Variants in ATIC observed in about 807,000 individuals in gnomAD.
The protein encoded by ATIC is bifunctional purine biosynthesis protein ATIC.
A neutral mutation model predicts 72.5 loss-of-function variants in ATIC; 64 were observed. The ratio of observed to expected loss-of-function variants is 0.88; its 90% CI spans 0.72 to 1.09. The LOEUF is 1.09. ATIC is among the 50% of genes least tolerant of loss of function. ATIC has a pLI of 0.00. For missense variants in ATIC, 787 were observed against 732.4 expected, an observed-to-expected ratio of 1.07 and a Z score of -0.86; for synonymous variants, 281 against 267.1, an observed-to-expected ratio of 1.05 and a Z score of -0.51.
chr2:215,321,936 T>TA (rs1456589774), intron 4 of ATIC, among the ~76,000 whole-genome samples: 1 of 152,128 alleles, frequency 6.6e-6, no homozygotes, highest in Non-Finnish European at 1.5e-5. Context: ...GACGGAGTCT[T>TA]ACTCTCGCCC....
At chr2:215,342,402 T>C (rs2053028779) in intron 12 of ATIC, among the ~76,000 whole-genome samples, 1 of 152,204 alleles carries the variant, frequency 6.6e-6, no homozygotes. Flanking sequence ...TATACAGTTG[T>C]AAGAGTTCCC....
In ATIC at chr2:215,325,973, TTTG is replaced by T. The variant is rs771423107; in HGVS notation, c.380-11_380-9del. The stretch of plus-strand genomic sequence containing the variant: ...GGGACATACAAAAATCAATAAGTCT[TTTG>T]TTCTTCAAAGGTGGAGTAACCTTAC... On this transcript the variant is annotated splice_polypyrimidine_tract_variant and intron_variant, in intron 5 of 15. Transcript: ENST00000236959. 1 of 1,613,892 alleles carries T rather than the reference TTTG, an allele frequency of 6.2e-7. No homozygotes were observed. The highest frequency in any genetic ancestry group is 1.1e-5 in the South Asian group (1 of 91,070).
At chr2:215,361,576 G>A in the ATIC span, 38 of 1,610,588 alleles carry the variant, frequency 2.4e-5, no homozygotes, top group South Asian at 4.2e-4. Context: ...AATCTTCTCT[G>A]TCAGCCTGTA....
At chr2:215,334,041 C>A (rs78454701) in intron 9 of ATIC, among the ~76,000 whole-genome samples, 74 of 132,004 alleles carry the variant, frequency 5.6e-4, no homozygotes, top group East Asian at 6.4e-4. Flanking sequence ...TACTCCGTCT[C>A]AAAAAAAAAA....
At chr2:215,367,957 A>G in the ATIC span, 17 of 1,614,032 alleles carry the variant, frequency 1.1e-5, no homozygotes, top group Non-Finnish European at 1.4e-5. Flanking sequence ...ACTCATCTCC[A>G]ACGGCATAAT....
intron 12 of ATIC, among the ~76,000 whole-genome samples, chr2:215,342,180 T>C (rs963800858): frequency 6.6e-6 from 1 of 152,188 alleles, no homozygotes; most frequent in Non-Finnish European, 1.5e-5. Flanking sequence ...ACCAAGATTA[T>C]CTTTGAAGGT....
Position 215,326,013 on chromosome 2 carries a change from GC to G in ATIC, c.408del (p.Asn138ThrfsTer5), listed in dbSNP as rs1415903910. The G allele has an allele frequency of 6.2e-7, 1 of 1,614,158 alleles. No individual in the cohort carries two copies. The highest frequency in any genetic ancestry group is 8.5e-7 in the Non-Finnish European group (1 of 1,180,018). On this transcript the variant is annotated frameshift_variant, in exon 6 of 16. Transcript: ENST00000236959. LOFTEE classifies it high-confidence loss of function. ...IGGVTLLRAA[A>X]KNHARVTVVC... ...TGGAGTAACCTTACTGAGAGCTGCAGCCAAAAACCACGCTCGAGTGACAGTG... is the reference window on the plus strand; with the variant it reads ...TGGAGTAACCTTACTGAGAGCTGCAGCAAAAACCACGCTCGAGTGACAGTG...
the ATIC span, chr2:215,361,276 A>T: frequency 2.5e-6 from 1 of 394,214 alleles, no homozygotes; most frequent in Non-Finnish European, 4.7e-6. Flanking sequence ...ATTGATCCCA[A>T]ACCAAATCTT....
rs549649169 is a variant in ATIC at position 215,326,891 on chromosome 2, G to A, written c.601G>A (p.Val201Ile). ...DYFRKQYSKG[V>I]SQMPLRYGMN... is the part of the protein sequence containing the mutation. ...TTTCAGGAAACAGTACAGCAAAGGC[G>A]TATCTCAGATGCCCTTGAGATATGG... The change falls in exon 7 of 16, where the codon GTA (valine) becomes ATA (isoleucine). Residue 201 changes from valine to isoleucine, a missense_variant. Val to Ile is a conservative substitution (Grantham distance 29). Coordinates refer to ENST00000236959, the MANE Select transcript of ATIC (RefSeq NM_004044.7). 23 of 1,613,972 alleles carry A rather than the reference G, an allele frequency of 1.4e-5. No individual in the cohort carries two copies. Among genetic ancestry groups the A allele is most frequent in the South Asian group, 7.7e-5 (7 of 91,078 alleles).
In ATIC at chr2:215,319,551, AT is replaced by A. The variant is rs1004221612; in HGVS notation, c.224-104del. Reference sequence around the variant, plus strand: ...GAGTGAGACCATCTCAAAAAAATAAATTTTTTTTTTAATCAATGGGATTTAA... The same window carrying A: ...GAGTGAGACCATCTCAAAAAAATAAATTTTTTTTTAATCAATGGGATTTAA... On this transcript the variant is annotated intron_variant, in intron 3 of 15. Transcript: ENST00000236959. 1,197 of 793,476 alleles carry A rather than the reference AT, an allele frequency of 1.5e-3. 1 individual carries two copies. Among genetic ancestry groups the A allele is most frequent in the Middle Eastern group, 2.2e-3 (6 of 2,784 alleles). The allele number at this position is 793,476 out of a possible 1,614,324, so 49.2% of individuals were successfully genotyped here.
At chr2:215,351,684 A>G (rs1421814299), downstream of ATIC, among the ~76,000 whole-genome samples, 1 of 152,256 alleles carries the variant, frequency 6.6e-6, no homozygotes, top group East Asian at 1.9e-4. Flanking sequence ...TGCAACTCCC[A>G]TGCAGAAGAA....
At chr2:215,342,765 C>T (rs926491305) in intron 12 of ATIC, among the ~76,000 whole-genome samples, 13 of 152,262 alleles carry the variant, frequency 8.5e-5, no homozygotes, top group East Asian at 3.9e-4. Flanking sequence ...CTGCAATCTC[C>T]GCCTCCCGGG....
chr2:215,336,986 TGTG>T (rs930364366), intron 11 of ATIC, among the ~76,000 whole-genome samples: 2 of 152,180 alleles, frequency 1.3e-5, no homozygotes, highest in Middle Eastern at 3.2e-3. Context: ...TAACATTGTG[TGTG>T]GTATGAGCAT....
intron 10 of ATIC, among the ~76,000 whole-genome samples, chr2:215,335,710 C>G (rs1226551171): frequency 2.6e-5 from 4 of 152,224 alleles, no homozygotes; most frequent in African/African-American, 9.6e-5. Context: ...AGAGTCAGGA[C>G]TAGAATGTGC....
At chr2:215,354,570 C>T (rs1471137058), downstream of ATIC, among the ~76,000 whole-genome samples, 4 of 151,976 alleles carry the variant, frequency 2.6e-5, no homozygotes, top group Middle Eastern at 6.8e-3. Flanking sequence ...TTTCTTTATT[C>T]GTCCCTCCAG....
Position 215,319,667 on chromosome 2 carries a change from A to G in ATIC, c.226A>G (p.Ile76Val), listed in dbSNP as rs1354177505. 4 of 1,608,630 alleles carry G rather than the reference A, an allele frequency of 2.5e-6. No individual in the cohort carries two copies. Among genetic ancestry groups the G allele is most frequent in the Non-Finnish European group, 3.4e-6 (4 of 1,175,026 alleles). ...TTTGTTTAACTTTTTTAAATTAGGAATCCTAGCTCGTAATATTCCAGAAGA... is the reference window on the plus strand; with the variant it reads ...TTTGTTTAACTTTTTTAAATTAGGAGTCCTAGCTCGTAATATTCCAGAAGA... ...KTLHPAVHAG[I>V]LARNIPEDNA... is the part of the protein sequence containing the mutation. The change falls in exon 4 of 16, where the codon ATC (isoleucine) becomes GTC (valine). Residue 76 changes from isoleucine to valine, a missense_variant and splice_region_variant. Physicochemically the swap from Ile to Val is conservative, Grantham distance 29. Transcript: ENST00000236959.
chr2:215,341,297 T>C (rs564531044), intron 12 of ATIC, among the ~76,000 whole-genome samples: 1 of 152,308 alleles, frequency 6.6e-6, no homozygotes, highest in South Asian at 2.1e-4. Flanking sequence ...ACTGAATGGA[T>C]ATTGACCTAG....
At chr2:215,320,541 G>A (rs946210479) in intron 4 of ATIC, among the ~76,000 whole-genome samples, 5 of 152,100 alleles carry the variant, frequency 3.3e-5, no homozygotes, top group African/African-American at 1.2e-4. Context: ...GAGAGGAGGA[G>A]TTGCCCAGCT....
chr2:215,337,916 T>A (rs2052974328), intron 11 of ATIC, among the ~76,000 whole-genome samples: 1 of 152,216 alleles, frequency 6.6e-6, no homozygotes, highest in Admixed American at 6.5e-5. Flanking sequence ...AGACAACTTA[T>A]CCCTCTACCT....
Sources: allele counts gnomAD v4.1 joint callset (sites outside exome capture counted in the v4.1 genomes callset), GRCh38; gene constraint gnomAD v4.1.1; transcripts MANE v1.5; gene names NCBI Gene and HGNC (gene_info 2026-07-23, HGNC 2026-07-21).